ETF1: variants seen among roughly 807,000 people sequenced by gnomAD.
The protein encoded by ETF1 is eukaryotic translation termination factor 1.
ETF1 carries 4 observed loss-of-function variants against 55.1 expected under a neutral mutation model. The observed-to-expected ratio is 0.07, with a 90% CI of 0.04 to 0.17. The LOEUF (loss-of-function observed/expected upper bound fraction) is 0.17. ETF1 is among the 10% of genes least tolerant of loss of function. The probability of loss-of-function intolerance (pLI) is 1.00; values close to 1 mark genes in which losing one functional copy is unlikely to be tolerated. For synonymous variants in ETF1, 157 were observed against 182.3 expected, an observed-to-expected ratio of 0.86 and a Z score of 1.12; for missense variants, 142 against 523.6, an observed-to-expected ratio of 0.27 and a Z score of 7.11.
At chr5:138,511,448 G>A (rs762956460) in intron 7 of ETF1, 27 bp downstream of exon 7, 1 of 1,609,608 alleles carries the variant, frequency 6.2e-7, no homozygotes, top group East Asian at 2.2e-5. Context: ...ACATTTCACA[G>A]AATAAGTAGT....
chr5:138,531,216 C>T (rs1765686035), intron 2 of ETF1, among the ~76,000 whole-genome samples: 1 of 152,030 alleles, frequency 6.6e-6, no homozygotes, highest in Admixed American at 6.6e-5. Flanking sequence ...CACACGCGCA[C>T]ACAAAAAAGA....
chr5:138,515,709 A>C (rs1318201170), intron 4 of ETF1, among the ~76,000 whole-genome samples: 8 of 152,228 alleles, frequency 5.3e-5, no homozygotes, highest in Admixed American at 5.2e-4. Context: ...AGTGAGCAAA[A>C]GCCAGACAAC....
chr5:138,512,650 C>T (rs773527881), intron 6 of ETF1, 114 bp downstream of exon 6: 98 of 906,320 alleles, frequency 1.1e-4, no homozygotes, highest in Non-Finnish European at 1.5e-4. Flanking sequence ...AACTCAGAGG[C>T]AAGTTTTTAA....
chr5:138,541,422 C>CACA, intron 2 of ETF1: 1 of 807,248 alleles, frequency 1.2e-6, no homozygotes. Flanking sequence ...AAGGAGTGAG[C>CACA]ACAAGCCCGT....
chr5:138,534,920 G>T lies in ETF1; in HGVS notation c.86+7913C>A, dbSNP rs911893899. The stretch of plus-strand genomic sequence containing the variant: ...CACAGAGCTGTTATAAGGTTATAAG[G>T]GGGGGGGTCAAATGTATGCTTACTC... On this transcript the variant is annotated intron_variant, in intron 2 of 10. Transcript: ENST00000360541. Among the ~76,000 whole-genome samples, 58 of 101,856 alleles carry T rather than the reference G, an allele frequency of 5.7e-4. 1 individual carries two copies. The highest frequency in any genetic ancestry group is 1.1e-4 in the Admixed American group (1 of 9,160). The allele number at this position is 101,856 out of a possible 152,430, so 66.8% of individuals were successfully genotyped here.
intron 2 of ETF1, among the ~76,000 whole-genome samples, chr5:138,540,336 C>T (rs563164259): frequency 2.6e-5 from 4 of 152,270 alleles, no homozygotes; most frequent in South Asian, 4.1e-4. Flanking sequence ...CTCCTGAAAA[C>T]CAGAGTATCC....
At chr5:138,531,097 T>G (rs1765681433) in intron 2 of ETF1, among the ~76,000 whole-genome samples, 1 of 152,172 alleles carries the variant, frequency 6.6e-6, no homozygotes, top group South Asian at 2.1e-4. Flanking sequence ...GCAATAGTAT[T>G]GAAAGGTGGG....
chr5:138,533,369 T>C (rs1765781434), intron 2 of ETF1, among the ~76,000 whole-genome samples: 1 of 152,056 alleles, frequency 6.6e-6, no homozygotes. Flanking sequence ...CAGAGATTTA[T>C]TCTAAACTAC....
At chr5:138,524,054 C>T (rs1032883870) in intron 2 of ETF1, among the ~76,000 whole-genome samples, 5 of 152,126 alleles carry the variant, frequency 3.3e-5, no homozygotes, top group African/African-American at 9.7e-5. Flanking sequence ...GGCGTGGTGG[C>T]TCATGCCTGT....
At position 138,517,692 on chromosome 5, in the gene ETF1, T is replaced by G. The variant is rs1289083172; in HGVS notation, c.271A>C (p.Asn91His). ...RLKLYNKVPP[N>H]GLVVYCGTIV... ...GTTCCACAGTATACAACCAGACCAT[T>G]TGGAGGTACTGCAAAGAACACAAAC... The change falls in exon 4 of 11, where the codon AAT (asparagine) becomes CAT (histidine). Residue 91 changes from asparagine (N) to histidine (H), a missense_variant. Asn to His is a moderately conservative substitution (Grantham distance 68). Coordinates refer to ENST00000360541, the MANE Select transcript of ETF1 (RefSeq NM_004730.4). The G allele has an allele frequency of 2.0e-6, 3 of 1,500,466 alleles. No individual in the cohort carries two copies. Among genetic ancestry groups the G allele is most frequent in the East Asian group, 2.5e-5 (1 of 40,808 alleles). 92.9% of individuals were successfully genotyped at this position (1,500,466 alleles called of 1,614,324 possible).
intron 2 of ETF1, chr5:138,519,251 A>G (rs774199669): frequency 1.5e-5 from 14 of 947,050 alleles, no homozygotes; most frequent in Non-Finnish European, 1.8e-5. Flanking sequence ...GGGAGACGCC[A>G]TGACAGGATG....
At position 138,510,224 on chromosome 5, in the gene ETF1, G is replaced by A. The variant is rs1400384758; in HGVS notation, c.1083+341C>T. The stretch of plus-strand genomic sequence containing the variant: ...AATTCAAAAATTAGTTGGGCGTGGT[G>A]GTGTATGCCTGTAGTCCCAGCTACC... On this transcript the variant is annotated intron_variant, in intron 9 of 10. Coordinates refer to ENST00000360541, the MANE Select transcript of ETF1 (RefSeq NM_004730.4). Among the ~76,000 whole-genome samples, 3 of 151,656 alleles carry A rather than the reference G, an allele frequency of 2.0e-5. No homozygotes were observed. In the East Asian group the frequency reaches 5.8e-4, roughly 30 times the overall value.
chr5:138,534,918 A>AGGG lies in ETF1; in HGVS notation c.86+7912_86+7914dup, dbSNP rs374623511. Among the ~76,000 whole-genome samples the AGGG allele has an allele frequency of 9.0e-4, 96 of 106,646 alleles. 1 individual carries two copies. The highest frequency in any genetic ancestry group is 2.4e-3 in the African/African-American group (86 of 36,088). The allele number at this position is 106,646 out of a possible 152,430, so 70.0% of individuals were successfully genotyped here. ...CTCACAGAGCTGTTATAAGGTTATAAGGGGGGGGGTCAAATGTATGCTTAC... is the reference window on the plus strand; with the variant it reads ...CTCACAGAGCTGTTATAAGGTTATAAGGGGGGGGGGGGTCAAATGTATGCTTAC... On this transcript the variant is annotated intron_variant, in intron 2 of 10. Transcript: ENST00000360541.
chr5:138,510,046 A>G lies in ETF1; in HGVS notation c.1083+519T>C, dbSNP rs369956476. ...CTGAATCCAGCCTGGGTGACAGACC[A>G]GGACCCTATCTCAAAGAAAAAAAAA... On this transcript the variant is annotated intron_variant, in intron 9 of 10. Transcript: ENST00000360541. Among the ~76,000 whole-genome samples the G allele has an allele frequency of 3.3e-5, 5 of 150,356 alleles. No homozygotes were observed. The East Asian group carries it at 9.8e-4, about 30-fold the overall frequency.
At chr5:138,533,670 G>A (rs457670) in intron 2 of ETF1, among the ~76,000 whole-genome samples, 192 of 152,274 alleles carry the variant, frequency 1.3e-3, no homozygotes, top group Non-Finnish European at 2.5e-3. Flanking sequence ...TGGAGACAGA[G>A]CAAGACTCCA....
chr5:138,529,633 T>G, intron 2 of ETF1: 1 of 985,472 alleles, frequency 1.0e-6, no homozygotes, highest in South Asian at 4.7e-5. Flanking sequence ...AGGGGCACTT[T>G]GGCTTATCAA....
rs765748053 is a variant in ETF1, at chr5:138,517,686, G to C, written c.277C>G (p.Leu93Val). Residue 93 changes from leucine (L) to valine (V), a missense_variant, in exon 4 of 11, where the codon CTG becomes GTG. Leu to Val is a conservative substitution (Grantham distance 32). Transcript: ENST00000360541. ...KLYNKVPPNGLVVYCGTIVTE... is the reference protein window; with the variant it reads ...KLYNKVPPNGVVVYCGTIVTE... ...ACAATTGTTCCACAGTATACAACCA[G>C]ACCATTTGGAGGTACTGCAAAGAAC... 6.6e-7 allele frequency: 1 copy of C among 1,515,248 alleles called. No individual in the cohort carries two copies. Among genetic ancestry groups the C allele is most frequent in the African/African-American group, 1.4e-5 (1 of 72,572 alleles). 93.9% of individuals were successfully genotyped at this position (1,515,248 alleles called of 1,614,324 possible).
chr5:138,513,540 G>A (rs750914121), intron 5 of ETF1, 28 bp downstream of exon 5: 1 of 1,548,672 alleles, frequency 6.5e-7, no homozygotes, highest in Non-Finnish European at 8.9e-7. Context: ...CACAAAGTAA[G>A]TGGGTTCATG....
At chr5:138,510,276 T>C (rs1764715143) in intron 9 of ETF1, among the ~76,000 whole-genome samples, 1 of 143,754 alleles carries the variant, frequency 7.0e-6, no homozygotes, top group Admixed American at 7.6e-5. Flanking sequence ...GAGGATCACT[T>C]GAGCCCAGGA....
Sources: gnomAD v4.1 joint callset for allele counts (sites outside exome capture counted in the v4.1 genomes callset) on GRCh38, gnomAD v4.1.1 for gene constraint, MANE v1.5 for transcripts, NCBI Gene and HGNC (gene_info 2026-07-23, HGNC 2026-07-21) for gene names.